Variants in ERC2 observed in about 807,000 individuals in gnomAD.
ERC2 encodes the protein ERC protein 2.
ERC2 carries 42 observed loss-of-function variants against 114.8 expected under a neutral mutation model. The ratio of observed to expected loss-of-function variants is 0.37; its 90% CI spans 0.29 to 0.47. The LOEUF is 0.47. Ranked by LOEUF, ERC2 falls within the 20% of genes least tolerant of loss-of-function variation. The probability of loss-of-function intolerance (pLI) is 0.99; values close to 1 mark genes in which losing one functional copy is unlikely to be tolerated. For missense variants in ERC2, 939 were observed against 1,150.7 expected (o/e 0.82, Z 2.66); for synonymous variants, 454 against 425.5 (o/e 1.07, Z -0.82).
chr3:56,371,750 A>C (rs1426526973), intron 2 of ERC2, among the ~76,000 whole-genome samples: 1 of 152,214 alleles, frequency 6.6e-6, no homozygotes, highest in African/African-American at 2.4e-5. Flanking sequence ...CTGTCATCCC[A>C]CCACTGTACC....
In ERC2 at chr3:55,699,437, G is replaced by A. The variant is rs1320382197; in HGVS notation, c.2788C>T (p.His930Tyr). 2 of 1,613,820 alleles carry A rather than the reference G, an allele frequency of 1.2e-6. No individual in the cohort carries two copies. Among genetic ancestry groups the A allele is most frequent in the Admixed American group, 1.7e-5 (1 of 59,990 alleles). Residue 930 changes from histidine (H) to tyrosine (Y), a missense_variant, in exon 16 of 18, where the codon CAC becomes TAC. His to Tyr is a moderately conservative substitution (Grantham distance 83). Around this residue, in one of 5 missense-constraint regions of ERC2, gnomAD observed 328 missense variants for 353.9 expected, o/e 0.93. Coordinates refer to ENST00000288221, the MANE Select transcript of ERC2 (RefSeq NM_015576.3). ...GACCTCCCAGGAGATCGATGGTGGTGGTGATGGTGGTGGTGGTGGTAATGG... is the reference window on the plus strand; with the variant it reads ...GACCTCCCAGGAGATCGATGGTGGTAGTGATGGTGGTGGTGGTGGTAATGG... ...HHHYHHHHHH[H>Y]HHRSPGRSQH... is the part of the protein sequence containing the mutation.
In ERC2 at chr3:55,992,161, G is replaced by C. The variant is rs530440071; in HGVS notation, c.2151C>G (p.Asp717Glu). The C allele has an allele frequency of 1.9e-6, 3 of 1,613,816 alleles. No homozygotes were observed. In the African/African-American group the frequency reaches 4.0e-5, roughly 22 times the overall value. ...QLDKEASYYR[D>E]ECGKAQAEVD... ...CTTCCGCTTGGGCCTTGCCACACTCGTCGCGGTAGTAAGACGCCTCTTTAT... is the reference window on the plus strand; with the variant it reads ...CTTCCGCTTGGGCCTTGCCACACTCCTCGCGGTAGTAAGACGCCTCTTTAT... Residue 717 changes from aspartate to glutamate, a missense_variant, in exon 11 of 18, where the codon GAC (aspartate) becomes GAG (glutamate). This residue lies in a region of ERC2 where 328 missense variants were observed against 353.9 expected (regional missense o/e 0.93). Coordinates refer to ENST00000288221, the MANE Select transcript of ERC2 (RefSeq NM_015576.3).
chr3:56,256,377 C>T (rs894610792), intron 3 of ERC2, among the ~76,000 whole-genome samples: 4 of 152,198 alleles, frequency 2.6e-5, no homozygotes, highest in Non-Finnish European at 5.9e-5. Flanking sequence ...CTAACATGAG[C>T]TGACTGTGGC....
chr3:55,881,562 G>A (rs1215317440), intron 14 of ERC2, among the ~76,000 whole-genome samples: 5 of 152,162 alleles, frequency 3.3e-5, no homozygotes, highest in African/African-American at 1.2e-4. Flanking sequence ...TAGGATGCCT[G>A]TCTACCTATT....
At chr3:56,409,295 T>C (rs1414602091) in intron 2 of ERC2, among the ~76,000 whole-genome samples, 2 of 152,132 alleles carry the variant, frequency 1.3e-5, no homozygotes, top group Non-Finnish European at 2.9e-5. Context: ...TTTAAAAAAA[T>C]ATAATCAAAC....
At chr3:56,185,221 C>T (rs995056947) in intron 3 of ERC2, 1 of 152,202 alleles carries the variant, frequency 6.6e-6, no homozygotes, top group African/African-American at 2.4e-5. Context: ...GTGCTGTAGG[C>T]TTTGAGTGCA....
At chr3:55,795,844 G>T (rs536144942) in intron 14 of ERC2, among the ~76,000 whole-genome samples, 30 of 152,256 alleles carry the variant, frequency 2.0e-4, no homozygotes, top group African/African-American at 6.5e-4. Context: ...TGCCTTATAG[G>T]GTTGCTTCAT....
chr3:56,096,962 G>A (rs1056123238), intron 6 of ERC2, among the ~76,000 whole-genome samples: 3 of 152,188 alleles, frequency 2.0e-5, no homozygotes, highest in Non-Finnish European at 2.9e-5. Context: ...CACAAATGCT[G>A]AAGGAAAGAA....
intron 7 of ERC2, among the ~76,000 whole-genome samples, chr3:56,038,267 G>A (rs1236546728): frequency 6.6e-6 from 1 of 152,118 alleles, no homozygotes; most frequent in African/African-American, 2.4e-5. Flanking sequence ...TAAAAAGTGG[G>A]CAGAAGACAT....
intron 14 of ERC2, among the ~76,000 whole-genome samples, chr3:55,746,295 A>G (rs1449702506): frequency 1.3e-5 from 2 of 151,762 alleles, no homozygotes; most frequent in Non-Finnish European, 2.9e-5. Context: ...GTGCAGTGGC[A>G]TCATCTCGGC....
At chr3:56,416,418 G>A (rs897101873) in intron 2 of ERC2, among the ~76,000 whole-genome samples, 1 of 152,048 alleles carries the variant, frequency 6.6e-6, no homozygotes, top group Admixed American at 6.6e-5. Context: ...AAAGAAGGCA[G>A]GGAGAGATTC....
chr3:56,286,276 T>C (rs1576276147), intron 3 of ERC2, among the ~76,000 whole-genome samples: 1 of 151,742 alleles, frequency 6.6e-6, no homozygotes, highest in East Asian at 1.9e-4. Flanking sequence ...AGCCGGAATG[T>C]GGTGTCGCAT....
At chr3:55,604,219 G>A (rs1164882363) in intron 17 of ERC2, among the ~76,000 whole-genome samples, 1 of 152,106 alleles carries the variant, frequency 6.6e-6, no homozygotes, top group East Asian at 1.9e-4. Flanking sequence ...TGAAGTCAGT[G>A]TGTGAGGGAT....
At chr3:55,853,857 A>G (rs1250095993) in intron 14 of ERC2, among the ~76,000 whole-genome samples, 2 of 152,198 alleles carry the variant, frequency 1.3e-5, no homozygotes, top group South Asian at 2.1e-4. Context: ...CTGCACAACA[A>G]TGTGAATGTA....
At chr3:56,265,779 G>A (rs992216827) in intron 3 of ERC2, among the ~76,000 whole-genome samples, 4 of 151,888 alleles carry the variant, frequency 2.6e-5, no homozygotes, top group South Asian at 2.1e-4. Flanking sequence ...CTGTAATCCC[G>A]ACACTTTGGG....
At chr3:56,234,909 A>G (rs934927096) in intron 3 of ERC2, among the ~76,000 whole-genome samples, 5 of 152,238 alleles carry the variant, frequency 3.3e-5, no homozygotes, top group Non-Finnish European at 5.9e-5. Context: ...ACTGGGAATC[A>G]AGTTTCCAAC....
chr3:56,334,341 G>A (rs1277683508), intron 2 of ERC2, among the ~76,000 whole-genome samples: 1 of 152,230 alleles, frequency 6.6e-6, no homozygotes, highest in African/African-American at 2.4e-5. Context: ...AAGAGAATCG[G>A]AGACCAGTGA....
chr3:55,979,791 AT>A, intron 12 of ERC2, among the ~76,000 whole-genome samples: 1 of 151,800 alleles, frequency 6.6e-6, no homozygotes, highest in East Asian at 1.9e-4. Flanking sequence ...AAAAAAAAAA[AT>A]TCAATTAGCT....
intron 2 of ERC2, among the ~76,000 whole-genome samples, chr3:56,344,649 C>A (rs1219827083): frequency 6.6e-6 from 1 of 152,162 alleles, no homozygotes; most frequent in Admixed American, 6.6e-5. Flanking sequence ...CAAGCCACCC[C>A]CAACATTCCA....
Sources: gnomAD v4.1 joint callset for allele counts (sites outside exome capture counted in the v4.1 genomes callset) on GRCh38, gnomAD v4.1.1 for gene constraint, gnomAD v4.1.1 regional missense constraint, MANE v1.5 for transcripts, NCBI Gene and HGNC (gene_info 2026-07-23, HGNC 2026-07-21) for gene names.